GCFC2: variants seen among roughly 807,000 people sequenced by gnomAD.
GCFC2 encodes the protein intron Large complex component GCFC2.
GCFC2 carries 102 observed loss-of-function variants against 99.4 expected under a neutral mutation model. The ratio of observed to expected loss-of-function variants is 1.03; its 90% confidence interval spans 0.87 to 1.21. GCFC2 has a LOEUF of 1.21. Among genes scored for constraint, GCFC2 ranks in the 50% most tolerant of loss-of-function variants. The pLI, the probability that GCFC2 is intolerant of heterozygous loss-of-function variation, is 0.00. For synonymous variants in GCFC2, 338 were observed against 316.8 expected (o/e 1.07, Z -0.71); for missense variants, 973 against 920.9 (o/e 1.06, Z -0.73).
At position 75,692,138 on chromosome 2, in the gene GCFC2, G is replaced by C. The variant is rs759214217; in HGVS notation, c.1021-38C>G. ...TATAAGTAACATTTTGCAGGTCATC[G>C]ATAATGAAATATATATATATATATA... On this transcript the variant is annotated intron_variant, in intron 6 of 16. Coordinates refer to ENST00000321027, the MANE Select transcript of GCFC2 (RefSeq NM_003203.5). The C allele has an allele frequency of 4.7e-6, 4 of 852,958 alleles. No individual in the cohort carries two copies. In the South Asian group the frequency reaches 1.0e-4, roughly 22 times the overall value. The allele number at this position is 852,958 out of a possible 1,614,324, so 52.8% of individuals were successfully genotyped here. A position where few individuals can be genotyped will look rare whatever the true frequency, so the allele number is the denominator to read the frequency against.
chr2:75,707,875 C>T (rs887472513), intron 1 of GCFC2, among the ~76,000 whole-genome samples: 1 of 152,106 alleles, frequency 6.6e-6, no homozygotes, highest in Non-Finnish European at 1.5e-5. Flanking sequence ...TTTTCCTTAC[C>T]TCACATGGCA....
At chr2:75,678,598 C>G (rs1679445876) in intron 12 of GCFC2, among the ~76,000 whole-genome samples, 2 of 152,172 alleles carry the variant, frequency 1.3e-5, no homozygotes, top group Admixed American at 1.3e-4. Flanking sequence ...AGACACAGTA[C>G]TTTATCTATG....
chr2:75,679,496 C>A (rs184692714), intron 12 of GCFC2, among the ~76,000 whole-genome samples: 1 of 152,042 alleles, frequency 6.6e-6, no homozygotes, highest in East Asian at 1.9e-4. Flanking sequence ...CTAAAAAGTT[C>A]CCCAATATGT....
chr2:75,677,159 A>C (rs1679378531), intron 12 of GCFC2, among the ~76,000 whole-genome samples: 1 of 152,240 alleles, frequency 6.6e-6, no homozygotes, highest in Non-Finnish European at 1.5e-5. Flanking sequence ...AGATTATAGT[A>C]ATTACTGCTT....
chr2:75,692,612 A>T lies in GCFC2; in HGVS notation c.1021-512T>A, dbSNP rs566732905. 6.7e-4 allele frequency among the ~76,000 whole-genome samples: 101 copies of T among 151,658 alleles called. 1 individual carries two copies. Among genetic ancestry groups the T allele is most frequent in the African/African-American group, 2.3e-3 (96 of 41,302 alleles). ...CAGTGAGCTGAGATCACACCACTGC[A>T]CTCCAGCCTGGGCAACAGAGTGAGG... is the stretch of plus-strand genomic sequence containing the variant. On this transcript the variant is annotated intron_variant, in intron 6 of 16. Coordinates refer to ENST00000321027, the MANE Select transcript of GCFC2 (RefSeq NM_003203.5).
chr2:75,683,558 A>G (rs1218270319), intron 11 of GCFC2, among the ~76,000 whole-genome samples: 1 of 152,188 alleles, frequency 6.6e-6, no homozygotes, highest in Non-Finnish European at 1.5e-5. Flanking sequence ...ATGACCAGCT[A>G]GCATCATAAT....
rs765263489 is a variant in GCFC2, at chr2:75,706,626, T to C, written c.291A>G (p.Thr97=). 7 of 1,593,592 alleles carry C rather than the reference T, an allele frequency of 4.4e-6. No homozygotes were observed. The South Asian group carries it at 7.8e-5, about 18-fold the overall frequency. ...GSESRTLDVS[T]DEEDKIHHSS... ...AGTGATGTATTTTATCCTCTTCATC[T>C]GTGGACACATCAAGGGTTCTGGATT... The change falls in exon 2 of 17, where the codon ACA becomes ACG. Residue 97 remains threonine (T), a synonymous_variant. Coordinates refer to ENST00000321027, the MANE Select transcript of GCFC2 (RefSeq NM_003203.5).
intron 12 of GCFC2, chr2:75,679,664 G>A (rs1679483933): frequency 2.5e-6 from 1 of 397,304 alleles, no homozygotes; most frequent in Non-Finnish European, 4.4e-6. Flanking sequence ...TTCAAGCAAA[G>A]CCACAATGCC....
chr2:75,676,300 G>A (rs551987183), intron 12 of GCFC2, among the ~76,000 whole-genome samples: 7 of 152,140 alleles, frequency 4.6e-5, no homozygotes, highest in Admixed American at 1.3e-4. Context: ...TCCTGAGGCT[G>A]CCCATAACTT....
Position 75,692,045 on chromosome 2 carries a change from G to C in GCFC2, c.1076C>G (p.Ala359Gly). The C allele has an allele frequency of 6.4e-7, 1 of 1,552,476 alleles. No individual in the cohort carries two copies. The highest frequency in any genetic ancestry group is 8.8e-7 in the Non-Finnish European group (1 of 1,138,772). Residue 359 changes from alanine (A) to glycine (G), a missense_variant, in exon 7 of 17, where the codon GCT (alanine) becomes GGT (glycine). Physicochemically the swap from Ala to Gly is moderately conservative, Grantham distance 60. Coordinates refer to ENST00000321027, the MANE Select transcript of GCFC2 (RefSeq NM_003203.5). ...SSMHALLLKQAMTFMKRRQDE... is the reference protein window; with the variant it reads ...SSMHALLLKQGMTFMKRRQDE... ...TTGCCTGCGTTTCATAAAGGTCATA[G>C]CTTGTTTTAAAAGGAGTGCATGCAT... is the stretch of plus-strand genomic sequence containing the variant.
upstream of GCFC2, among the ~76,000 whole-genome samples, chr2:75,712,118 C>T (rs1194245257): frequency 6.6e-6 from 1 of 151,988 alleles, no homozygotes; most frequent in East Asian, 1.9e-4. Context: ...GTATCTGGCT[C>T]AAGGTTTGTA....
chr2:75,706,404 A>C, intron 2 of GCFC2, 119 bp downstream of exon 2: 1 of 654,216 alleles, frequency 1.5e-6, no homozygotes, highest in Non-Finnish European at 2.6e-6. Context: ...GCACTCTGAC[A>C]ATCATCATTA....
In GCFC2 at chr2:75,663,363, ATTTTTGGAAAAT is replaced by A. The variant is rs1678696907; in HGVS notation, c.*1291_*1302del. ...TTAGAAAAATTACTAGTAAACTAAC[ATTTTTGGAAAAT>A]TTTCTTAATTTCTTTTGATTAAATT... On this transcript the variant is annotated 3_prime_UTR_variant, in exon 17 of 17. Coordinates refer to ENST00000321027, the MANE Select transcript of GCFC2 (RefSeq NM_003203.5). 1 of 152,194 alleles carries A rather than the reference ATTTTTGGAAAAT, an allele frequency of 6.6e-6. No homozygotes were observed. The highest frequency in any genetic ancestry group is 1.5e-5 in the Non-Finnish European group (1 of 68,034). The allele number at this position is 152,194 out of a possible 1,614,324, so 9.4% of individuals were successfully genotyped here. A position where few individuals can be genotyped will look rare whatever the true frequency, so the allele number is the denominator to read the frequency against.
intron 12 of GCFC2, among the ~76,000 whole-genome samples, chr2:75,678,640 G>T (rs533807651): frequency 6.6e-6 from 1 of 152,270 alleles, no homozygotes; most frequent in Admixed American, 6.5e-5. Context: ...GGTCAGTGAG[G>T]CAAACTTGGG....
Position 75,701,302 on chromosome 2 carries a change from G to A in GCFC2, c.620-15C>T, listed in dbSNP as rs368345460. ...ATTTCTGCTTACTAGCGGAAAAAAA[G>A]CTCACATGTAAACGTTTAGTATTTT... On this transcript the variant is annotated splice_polypyrimidine_tract_variant and intron_variant, in intron 3 of 16. Coordinates refer to ENST00000321027, the MANE Select transcript of GCFC2 (RefSeq NM_003203.5). 657 of 1,463,978 alleles carry A rather than the reference G, an allele frequency of 4.5e-4. 1 individual carries two copies. Among genetic ancestry groups the A allele is most frequent in the Non-Finnish European group, 5.8e-4 (605 of 1,044,558 alleles). 90.7% of individuals were successfully genotyped at this position (1,463,978 alleles called of 1,614,324 possible).
At chr2:75,671,370 T>C (rs1175020878) in intron 14 of GCFC2, among the ~76,000 whole-genome samples, 1 of 152,210 alleles carries the variant, frequency 6.6e-6, no homozygotes, top group Non-Finnish European at 1.5e-5. Context: ...CTCCTGAAAT[T>C]CAGACTTATG....
intron 1 of GCFC2, 118 bp downstream of exon 1, chr2:75,710,473 C>G: frequency 1.4e-6 from 2 of 1,390,254 alleles, no homozygotes; most frequent in Non-Finnish European, 1.9e-6. Flanking sequence ...GGATAAGACT[C>G]AGCATGGCTT....
chr2:75,700,901 G>C (rs957982930), intron 4 of GCFC2, among the ~76,000 whole-genome samples: 1 of 152,178 alleles, frequency 6.6e-6, no homozygotes, highest in African/African-American at 2.4e-5. Flanking sequence ...ACACACAGTA[G>C]AGACATGGAA....
rs964991505 is a variant in GCFC2 at position 75,665,841 on chromosome 2, G to A, written c.2228+88C>T. ...GTTTTAACAAATTTTTAAAAGTACA[G>A]TAAAAATACAAATCTTTCTAAAAGT... On this transcript the variant is annotated intron_variant, in intron 16 of 16. Coordinates refer to ENST00000321027, the MANE Select transcript of GCFC2 (RefSeq NM_003203.5). The A allele has an allele frequency of 4.8e-6, 4 of 829,206 alleles. No individual in the cohort carries two copies. The South Asian group carries it at 7.9e-5, about 16-fold the overall frequency. The allele number at this position is 829,206 out of a possible 1,614,324, so 51.4% of individuals were successfully genotyped here.
Sources: gnomAD v4.1 joint callset for allele counts (sites outside exome capture counted in the v4.1 genomes callset) on GRCh38, gnomAD v4.1.1 for gene constraint, MANE v1.5 for transcripts, NCBI Gene and HGNC (gene_info 2026-07-23, HGNC 2026-07-21) for gene names.